Variants in UNC5C observed in about 807,000 individuals in gnomAD.
UNC5C encodes unc-5 netrin receptor C.
UNC5C carries 47 observed loss-of-function variants against 99.8 expected under a neutral mutation model. The ratio of observed to expected loss-of-function variants is 0.47; its 90% confidence interval spans 0.37 to 0.60. The LOEUF (loss-of-function observed/expected upper bound fraction) is 0.60, where lower values mean the gene tolerates loss of function less well. Ranked by LOEUF, UNC5C falls within the 20% of genes least tolerant of loss-of-function variation. The pLI is 0.00. For missense variants in UNC5C, 1,062 were observed against 1,165.9 expected, an observed-to-expected ratio of 0.91 and a Z score of 1.30; for synonymous variants, 487 against 452.2, an observed-to-expected ratio of 1.08 and a Z score of -0.98.
intron 14 of UNC5C, among the ~76,000 whole-genome samples, chr4:95,179,440 T>G (rs1204179195): frequency 6.6e-6 from 1 of 152,158 alleles, no homozygotes; most frequent in Non-Finnish European, 1.5e-5. Context: ...TACCTATAAA[T>G]CTATTATTAA....
intron 2 of UNC5C, among the ~76,000 whole-genome samples, chr4:95,322,911 C>A (rs1742744398): frequency 1.3e-5 from 2 of 148,228 alleles, no homozygotes; most frequent in Non-Finnish European, 3.0e-5. Context: ...GCACTTCAGC[C>A]TGGGTGACAG....
At chr4:95,171,078 T>A (rs1256493785) in intron 14 of UNC5C, among the ~76,000 whole-genome samples, 1 of 152,174 alleles carries the variant, frequency 6.6e-6, no homozygotes, top group Non-Finnish European at 1.5e-5. Context: ...AAAATCTGAA[T>A]TTCATCTGCA....
chr4:95,322,362 A>G (rs1222815932), intron 2 of UNC5C, among the ~76,000 whole-genome samples: 6 of 152,210 alleles, frequency 3.9e-5, no homozygotes, highest in African/African-American at 1.4e-4. Context: ...GGTTTGTCTC[A>G]CTAAATTTCA....
chr4:95,233,073 C>T (rs1048173274), intron 7 of UNC5C, among the ~76,000 whole-genome samples: 2 of 152,242 alleles, frequency 1.3e-5, no homozygotes, highest in South Asian at 4.1e-4. Flanking sequence ...AAATTACTTC[C>T]CCACATTAAA....
At chr4:95,435,426 G>T (rs1345619495) in intron 1 of UNC5C, among the ~76,000 whole-genome samples, 1 of 152,008 alleles carries the variant, frequency 6.6e-6, no homozygotes, top group Admixed American at 6.6e-5. Flanking sequence ...TTAGTCTTCT[G>T]TCATAACTCT....
chr4:95,250,774 G>T, intron 4 of UNC5C, 107 bp from the exon 5 acceptor site: 1 of 1,110,070 alleles, frequency 9.0e-7, no homozygotes, highest in Non-Finnish European at 1.3e-6. Flanking sequence ...AGGCCGAGAA[G>T]CGATACCTGT....
intron 1 of UNC5C, among the ~76,000 whole-genome samples, chr4:95,522,104 G>A (rs1323128056): frequency 6.6e-6 from 1 of 151,828 alleles, no homozygotes. Flanking sequence ...CTACAAATAA[G>A]TCCCTGGCTG....
Position 95,548,967 on chromosome 4 carries a change from A to C in UNC5C, c.-110T>G. On this transcript the variant is annotated 5_prime_UTR_variant, in exon 1 of 16. Coordinates refer to ENST00000453304, the MANE Select transcript of UNC5C (RefSeq NM_003728.4). Reference sequence around the variant, plus strand: ...CCGTGCACCGCGAAGCAGTCCGAAGAAATAACGACAACCAAGCGCCACACT... The same window carrying C: ...CCGTGCACCGCGAAGCAGTCCGAAGCAATAACGACAACCAAGCGCCACACT... 2 of 1,422,850 alleles carry C rather than the reference A, an allele frequency of 1.4e-6. No individual in the cohort carries two copies. The highest frequency in any genetic ancestry group is 1.9e-6 in the Non-Finnish European group (2 of 1,040,380). 88.1% of individuals were successfully genotyped at this position (1,422,850 alleles called of 1,614,324 possible). A position where few individuals can be genotyped will look rare whatever the true frequency, so the allele number is the denominator to read the frequency against.
At chr4:95,276,748 G>A (rs986292885) in intron 4 of UNC5C, among the ~76,000 whole-genome samples, 2 of 152,078 alleles carry the variant, frequency 1.3e-5, no homozygotes, top group African/African-American at 2.4e-5. Context: ...TTAGTGCTGC[G>A]AGATAAGGTT....
At chr4:95,256,598 ACTGT>A (rs1253875902) in intron 4 of UNC5C, among the ~76,000 whole-genome samples, 1 of 151,314 alleles carries the variant, frequency 6.6e-6, no homozygotes, top group Non-Finnish European at 1.5e-5. Flanking sequence ...TGAAAACTCA[ACTGT>A]CTATTTTCAA....
chr4:95,424,518 CTTT>C (rs536039867), intron 1 of UNC5C, among the ~76,000 whole-genome samples: 3 of 67,952 alleles, frequency 4.4e-5, no homozygotes, highest in East Asian at 6.6e-4. Context: ...TTTTTCTTTT[CTTT>C]TTTTTTTTTT....
At chr4:95,242,690 A>G in intron 6 of UNC5C, 97 bp from the exon 7 acceptor site, 1 of 1,299,486 alleles carries the variant, frequency 7.7e-7, no homozygotes, top group South Asian at 1.6e-5. Flanking sequence ...CAAAACAAGA[A>G]CAAGCATGCC....
At chr4:95,400,438 G>A (rs915043168) in intron 1 of UNC5C, among the ~76,000 whole-genome samples, 5 of 122,640 alleles carry the variant, frequency 4.1e-5, no homozygotes, top group African/African-American at 1.6e-4. Context: ...CTGTCACCCA[G>A]GCTGAGTGCA....
chr4:95,174,334 AG>A (rs1163865618), intron 14 of UNC5C, among the ~76,000 whole-genome samples: 1 of 151,942 alleles, frequency 6.6e-6, no homozygotes, highest in Non-Finnish European at 1.5e-5. Flanking sequence ...TTGTGATGTT[AG>A]GGTGTCAATT....
intron 1 of UNC5C, among the ~76,000 whole-genome samples, chr4:95,460,466 G>C (rs1269490864): frequency 1.3e-5 from 2 of 152,148 alleles, no homozygotes; most frequent in Non-Finnish European, 2.9e-5. Context: ...CCTGCTGGGA[G>C]ATAACTGAAT....
At chr4:95,218,735 G>A (rs1359845386) in intron 9 of UNC5C, among the ~76,000 whole-genome samples, 2 of 152,172 alleles carry the variant, frequency 1.3e-5, no homozygotes, top group East Asian at 3.8e-4. Flanking sequence ...TCAGCAGAAA[G>A]TTGTGAGTAT....
At chr4:95,327,199 C>A (rs1041515190) in intron 2 of UNC5C, among the ~76,000 whole-genome samples, 2 of 152,022 alleles carry the variant, frequency 1.3e-5, no homozygotes, top group East Asian at 3.9e-4. Flanking sequence ...ACCTCCACCC[C>A]TAAAAAAACA....
chr4:95,267,949 A>ATTTTTTTTTTTTTTTTTTTTTTGTTTTTT (rs869293955), intron 4 of UNC5C, among the ~76,000 whole-genome samples: 1 of 117,568 alleles, frequency 8.5e-6, no homozygotes, highest in African/African-American at 3.4e-5. Flanking sequence ...GAATTTTGTG[A>ATTTTTTTTTTTTTTTTTTTTTTGTTTTTT]TTTTTTTTTT....
intron 1 of UNC5C, among the ~76,000 whole-genome samples, chr4:95,401,860 C>A (rs985192361): frequency 4.6e-5 from 7 of 152,268 alleles, no homozygotes; most frequent in African/African-American, 1.7e-4. Flanking sequence ...AGCTGACAAT[C>A]AAACAATACA....
Sources: gnomAD v4.1 joint callset for allele counts (sites outside exome capture counted in the v4.1 genomes callset) on GRCh38, gnomAD v4.1.1 for gene constraint, MANE v1.5 for transcripts, NCBI Gene and HGNC (gene_info 2026-07-23, HGNC 2026-07-21) for gene names.